The following VWC2 variants were observed in gnomAD, a reference collection of about 807,000 sequenced individuals.
VWC2 encodes the protein von Willebrand factor C domain containing 2.
A neutral mutation model predicts 29.8 loss-of-function variants in VWC2; 14 were observed. The ratio of observed to expected loss-of-function variants is 0.47; its 90% CI spans 0.31 to 0.74. The LOEUF is 0.74. Ranked by LOEUF, VWC2 falls within the 30% of genes least tolerant of loss-of-function variation. The pLI is 0.05. For synonymous variants in VWC2, 213 were observed against 199.0 expected (o/e 1.07, Z -0.59); for missense variants, 457 against 459.8 (o/e 0.99, Z 0.05).
At position 49,775,336 on chromosome 7, in the gene VWC2, C is replaced by A; in HGVS notation, c.-100C>A. The A allele has an allele frequency of 2.1e-6, 2 of 959,150 alleles. No homozygotes were observed. Among genetic ancestry groups the A allele is most frequent in the Non-Finnish European group, 2.8e-6 (2 of 727,184 alleles). The allele number at this position is 959,150 out of a possible 1,614,324, so 59.4% of individuals were successfully genotyped here. A position where few individuals can be genotyped will look rare whatever the true frequency, so the allele number is the denominator to read the frequency against. On this transcript the variant is annotated 5_prime_UTR_variant, in exon 2 of 4. Coordinates refer to ENST00000340652, the MANE Select transcript of VWC2 (RefSeq NM_198570.5). The stretch of plus-strand genomic sequence containing the variant: ...TGTGCTGCTGTTCTCTCCGCAGGGA[C>A]GGCGGCTCCCGGCTGGCGGCGGCGC...
chr7:49,776,205 C>T, intron 2 of VWC2, 74 bp downstream of exon 2: 1 of 1,316,816 alleles, frequency 7.6e-7, no homozygotes, highest in East Asian at 2.5e-5. Context: ...TCTGTGGTCC[C>T]CCACTTTGAA....
chr7:49,796,369 C>G (rs947085312), intron 2 of VWC2, among the ~76,000 whole-genome samples: 1 of 152,160 alleles, frequency 6.6e-6, no homozygotes. Flanking sequence ...CTCTAGCTGC[C>G]GAAAGCCAGT....
intron 3 of VWC2, among the ~76,000 whole-genome samples, chr7:49,907,572 A>G (rs991708572): frequency 6.6e-5 from 10 of 152,234 alleles, no homozygotes; most frequent in Non-Finnish European, 1.2e-4. Context: ...ATGAGTAACC[A>G]TGGTCCATGA....
chr7:49,801,089 T>C (rs1788727065), intron 2 of VWC2, among the ~76,000 whole-genome samples: 1 of 152,066 alleles, frequency 6.6e-6, no homozygotes. Context: ...GCAGGTTGAC[T>C]GTGGTCTAGT....
rs545204474 is a variant in VWC2 at position 49,918,419 on chromosome 7, A to C, written c.*6234A>C. The C allele has an allele frequency of 6.6e-6, 1 of 152,334 alleles. No individual in the cohort carries two copies. Among genetic ancestry groups the C allele is most frequent in the East Asian group, 1.9e-4 (1 of 5,184 alleles). 9.4% of individuals were successfully genotyped at this position (152,334 alleles called of 1,614,324 possible). A position where few individuals can be genotyped will look rare whatever the true frequency, so the allele number is the denominator to read the frequency against. On this transcript the variant is annotated 3_prime_UTR_variant, in exon 4 of 4. Transcript: ENST00000340652. ...AGCAACACTGATCCCTAATTCTAGA[A>C]TATCAATCTTGATACTTGTCAAAGT...
chr7:49,854,326 C>G (rs112096686), intron 3 of VWC2, among the ~76,000 whole-genome samples: 1 of 152,226 alleles, frequency 6.6e-6, no homozygotes, highest in Non-Finnish European at 1.5e-5. Flanking sequence ...TACAGTCCCA[C>G]CAACAATGTA....
intron 2 of VWC2, among the ~76,000 whole-genome samples, chr7:49,789,532 T>A (rs940623197): frequency 1.3e-5 from 2 of 152,152 alleles, no homozygotes; most frequent in African/African-American, 4.8e-5. Context: ...CTGAGAGAAC[T>A]AATCCCCATG....
In VWC2 at chr7:49,918,606, T is replaced by TTGTGG. The variant is rs1258586586; in HGVS notation, c.*6425_*6426insGTGTG. ...GAAATTTACAAAATATAACCAAATA[T>TTGTGG]TGTGACCCAGTTTTTCTGGAGCCAA... On this transcript the variant is annotated 3_prime_UTR_variant, in exon 4 of 4. Transcript: ENST00000340652. 1 of 152,230 alleles carries TTGTGG rather than the reference T, an allele frequency of 6.6e-6. No individual in the cohort carries two copies. Among genetic ancestry groups the TTGTGG allele is most frequent in the African/African-American group, 2.4e-5 (1 of 41,470 alleles). 9.4% of individuals were successfully genotyped at this position (152,230 alleles called of 1,614,324 possible). A position where few individuals can be genotyped will look rare whatever the true frequency, so the allele number is the denominator to read the frequency against.
intron 3 of VWC2, among the ~76,000 whole-genome samples, chr7:49,808,997 C>G (rs1197290831): frequency 1.3e-5 from 2 of 151,894 alleles, no homozygotes; most frequent in African/African-American, 4.8e-5. Flanking sequence ...GCTAATTTTA[C>G]TAAAAGCATG....
chr7:49,783,819 C>T (rs570249155), intron 2 of VWC2, among the ~76,000 whole-genome samples: 1 of 152,062 alleles, frequency 6.6e-6, no homozygotes, highest in Admixed American at 6.5e-5. Flanking sequence ...GGAGGCCGAG[C>T]TGGGAGGATC....
chr7:49,801,738 T>C (rs1417338115), intron 2 of VWC2, among the ~76,000 whole-genome samples: 1 of 152,276 alleles, frequency 6.6e-6, no homozygotes, highest in Non-Finnish European at 1.5e-5. Flanking sequence ...GAAGAGGACC[T>C]TGTGCTCACA....
chr7:49,860,433 C>T (rs950082006), intron 3 of VWC2, among the ~76,000 whole-genome samples: 4 of 152,228 alleles, frequency 2.6e-5, no homozygotes, highest in African/African-American at 4.8e-5. Flanking sequence ...ATTAGTGCTT[C>T]ATTCCTTTCT....
intron 3 of VWC2, among the ~76,000 whole-genome samples, chr7:49,894,307 C>T (rs1245235170): frequency 5.3e-5 from 8 of 152,190 alleles, no homozygotes; most frequent in South Asian, 2.1e-4. Flanking sequence ...TAGATAGCAC[C>T]GCCATGCCCG....
chr7:49,871,521 C>T (rs768482918), intron 3 of VWC2, among the ~76,000 whole-genome samples: 32 of 151,908 alleles, frequency 2.1e-4, no homozygotes, highest in Non-Finnish European at 3.8e-4. Context: ...GTGGGGTTTC[C>T]ATTATGTGTC....
chr7:49,842,440 G>A (rs1789820134), intron 3 of VWC2, among the ~76,000 whole-genome samples: 1 of 152,100 alleles, frequency 6.6e-6, no homozygotes, highest in African/African-American at 2.4e-5. Flanking sequence ...AGTCAGTATA[G>A]GGGAGAACCT....
At chr7:49,794,099 A>G (rs1788526673) in intron 2 of VWC2, among the ~76,000 whole-genome samples, 1 of 152,210 alleles carries the variant, frequency 6.6e-6, no homozygotes, top group Non-Finnish European at 1.5e-5. Flanking sequence ...AGACTGGAAG[A>G]GAAGCAAGAA....
intron 3 of VWC2, among the ~76,000 whole-genome samples, chr7:49,840,999 AC>A (rs1789781129): frequency 6.6e-6 from 1 of 152,200 alleles, no homozygotes; most frequent in South Asian, 2.1e-4. Flanking sequence ...TAGAAGGAAT[AC>A]CTTTTTCAAG....
At chr7:49,786,645 T>C (rs150577014) in intron 2 of VWC2, among the ~76,000 whole-genome samples, 46 of 152,310 alleles carry the variant, frequency 3.0e-4, no homozygotes, top group Middle Eastern at 3.4e-3. Context: ...CAAGCATCTG[T>C]TATTTTGTGA....
Position 49,896,881 on chromosome 7 carries a change from A to AT in VWC2, c.827-15128dup, listed in dbSNP as rs36066373. Among the ~76,000 whole-genome samples the AT allele has an allele frequency of 8.3e-3, 793 of 95,020 alleles. 9 individuals carry two copies. Among genetic ancestry groups the AT allele is most frequent in the Middle Eastern group, 0.012 (2 of 162 alleles). 62.3% of individuals were successfully genotyped at this position (95,020 alleles called of 152,430 possible). ...AACTATTAAGAAAATTGGATTGATA[A>AT]TTTTTTTTTTTTTTTTTTTTTTTTT... On this transcript the variant is annotated intron_variant, in intron 3 of 3. Coordinates refer to ENST00000340652, the MANE Select transcript of VWC2 (RefSeq NM_198570.5).
Sources: gnomAD v4.1 joint callset for allele counts (sites outside exome capture counted in the v4.1 genomes callset) on GRCh38, gnomAD v4.1.1 for gene constraint, MANE v1.5 for transcripts, NCBI Gene and HGNC (gene_info 2026-07-23, HGNC 2026-07-21) for gene names.